CUX1: variants seen among roughly 807,000 people sequenced by gnomAD.
The protein encoded by CUX1 is cut like homeobox 1, also known as protein CASP.
A neutral mutation model predicts 158.8 loss-of-function variants in CUX1; 31 were observed. The ratio of observed to expected loss-of-function variants is 0.20; its 90% CI spans 0.15 to 0.26. The LOEUF (loss-of-function observed/expected upper bound fraction) is 0.26, where lower values mean the gene tolerates loss of function less well. CUX1 is among the 10% of genes least tolerant of loss of function. CUX1 has a pLI of 1.00. For missense variants in CUX1, 1,589 were observed against 2,014.6 expected, an observed-to-expected ratio of 0.79 and a Z score of 4.04; for synonymous variants, 879 against 862.1, an observed-to-expected ratio of 1.02 and a Z score of -0.34.
At chr7:102,228,494 A>G (rs1798581499) in intron 21 of CUX1, among the ~76,000 whole-genome samples, 1 of 152,130 alleles carries the variant, frequency 6.6e-6, no homozygotes, top group Non-Finnish European at 1.5e-5. Context: ...CCCCTTCTCT[A>G]TAACAGATTT....
chr7:102,026,846 A>G (rs1820095547), intron 2 of CUX1, among the ~76,000 whole-genome samples: 1 of 140,268 alleles, frequency 7.1e-6, no homozygotes, highest in Non-Finnish European at 1.5e-5. Flanking sequence ...AAAAAAAAAC[A>G]TAGTTTCAAT....
chr7:102,253,320 C>T lies in CUX1; in HGVS notation c.*4278C>T, dbSNP rs1801723146. On this transcript the variant is annotated 3_prime_UTR_variant, in exon 24 of 24. Transcript: ENST00000292535. ...CAGGGCCAGCATCAGGCGTGCAGCT[C>T]ATGACCAGTTTACACAGGCTGCAAA... 11 of 985,546 alleles carry T rather than the reference C, an allele frequency of 1.1e-5. No individual in the cohort carries two copies. Among genetic ancestry groups the T allele is most frequent in the Non-Finnish European group, 1.3e-5 (11 of 830,010 alleles). The allele number at this position is 985,546 out of a possible 1,614,324, so 61.1% of individuals were successfully genotyped here.
intron 2 of CUX1, among the ~76,000 whole-genome samples, chr7:102,021,606 T>A (rs892928767): frequency 1.0e-5 from 1 of 99,004 alleles, no homozygotes; most frequent in Non-Finnish European, 2.0e-5. Flanking sequence ...CCAGATACTT[T>A]TTTTTCTCTT....
chr7:102,131,340 A>G (rs1833209187), intron 8 of CUX1, among the ~76,000 whole-genome samples: 3 of 152,118 alleles, frequency 2.0e-5, no homozygotes, highest in African/African-American at 7.2e-5. Flanking sequence ...CGTCAAAACT[A>G]AGAAAAAGTT....
chr7:101,906,430 C>T (rs980756316), intron 1 of CUX1, among the ~76,000 whole-genome samples: 5 of 151,564 alleles, frequency 3.3e-5, no homozygotes, highest in South Asian at 2.1e-4. Flanking sequence ...CAGCCTGTGG[C>T]GAGGTCCGAG....
intron 1 of CUX1, among the ~76,000 whole-genome samples, chr7:101,851,578 T>G (rs1205982217): frequency 2.0e-5 from 3 of 152,256 alleles, no homozygotes; most frequent in African/African-American, 4.8e-5. Flanking sequence ...AAACACTTCC[T>G]GCAGAATGGG....
intron 2 of CUX1, among the ~76,000 whole-genome samples, chr7:101,964,218 T>C (rs1810860496): frequency 6.6e-6 from 1 of 151,964 alleles, no homozygotes; most frequent in Non-Finnish European, 1.5e-5. Flanking sequence ...CCTGGCGCAG[T>C]GGTGAGCACC....
intron 20 of CUX1, among the ~76,000 whole-genome samples, chr7:102,214,656 C>G (rs1796869142): frequency 6.6e-6 from 1 of 152,222 alleles, no homozygotes; most frequent in African/African-American, 2.4e-5. Context: ...GCTGTCACGG[C>G]CCCCCGGAGC....
chr7:102,240,636 G>C (rs554667315), intron 23 of CUX1, among the ~76,000 whole-genome samples: 2 of 152,056 alleles, frequency 1.3e-5, no homozygotes, highest in Non-Finnish European at 2.9e-5. Flanking sequence ...AGTTTGATTA[G>C]TTCTGTAATT....
rs782339731 is a variant in CUX1, at chr7:102,254,798, G to A, written c.*5756G>A. Reference sequence around the variant, plus strand: ...CAGTGTGATGTGGTTGGATCTCAGCGTGTACTGAATGCCAGTCTGGCCGGC... The same window carrying A: ...CAGTGTGATGTGGTTGGATCTCAGCATGTACTGAATGCCAGTCTGGCCGGC... On this transcript the variant is annotated 3_prime_UTR_variant, in exon 24 of 24. Coordinates refer to ENST00000292535, the MANE Select transcript of CUX1 (RefSeq NM_181552.4). 1.3e-5 allele frequency: 13 copies of A among 985,356 alleles called. No homozygotes were observed. The highest frequency in any genetic ancestry group is 6.1e-5 in the Admixed American group (1 of 16,272). 61.0% of individuals were successfully genotyped at this position (985,356 alleles called of 1,614,324 possible).
intron 10 of CUX1, among the ~76,000 whole-genome samples, chr7:102,176,191 G>A (rs1322803934): frequency 6.6e-6 from 1 of 152,222 alleles, no homozygotes; most frequent in Non-Finnish European, 1.5e-5. Flanking sequence ...AATGGTAAAG[G>A]CCTCATTTTC....
At chr7:101,937,203 C>G (rs1340536668) in intron 2 of CUX1, among the ~76,000 whole-genome samples, 1 of 152,104 alleles carries the variant, frequency 6.6e-6, no homozygotes, top group Non-Finnish European at 1.5e-5. Context: ...AGACCCTGTA[C>G]CGGGATGTCA....
intron 18 of CUX1, among the ~76,000 whole-genome samples, chr7:102,278,268 G>GA (rs1337616916): frequency 3.3e-5 from 5 of 152,174 alleles, no homozygotes; most frequent in Non-Finnish European, 5.9e-5. Flanking sequence ...TCACAGAGTG[G>GA]AGCCCCTGTC....
chr7:101,846,678 A>G (rs1198823292), intron 1 of CUX1, among the ~76,000 whole-genome samples: 2 of 152,118 alleles, frequency 1.3e-5, no homozygotes, highest in African/African-American at 4.8e-5. Context: ...CCACTCTTCA[A>G]GGTGCTAATA....
rs187121845 is a variant in CUX1 at position 102,194,074 on chromosome 7, T to C, written c.1125+184T>C. 35 of 681,544 alleles carry C rather than the reference T, an allele frequency of 5.1e-5. No individual in the cohort carries two copies. In the African/African-American group the frequency reaches 5.4e-4, roughly 10 times the overall value. The allele number at this position is 681,544 out of a possible 1,614,324, so 42.2% of individuals were successfully genotyped here. A position where few individuals can be genotyped will look rare whatever the true frequency, so the allele number is the denominator to read the frequency against. On this transcript the variant is annotated intron_variant, in intron 13 of 23. Coordinates refer to ENST00000292535, the MANE Select transcript of CUX1 (RefSeq NM_181552.4). ...ATCTTTTTTTTTTTGTCTCCTTTTT[T>C]TCCATGTGTCCAAGGCATGAACCAG...
chr7:102,078,356 G>A (rs1412613685), intron 4 of CUX1, among the ~76,000 whole-genome samples: 6 of 152,128 alleles, frequency 3.9e-5, no homozygotes, highest in African/African-American at 9.7e-5. Context: ...GATTACAGGC[G>A]TGAGCCACCA....
chr7:102,270,617 T>C (rs936141054), intron 14 of CUX1, among the ~76,000 whole-genome samples: 1 of 152,216 alleles, frequency 6.6e-6, no homozygotes, highest in African/African-American at 2.4e-5. Context: ...AACTGGCCTG[T>C]GCTCCTATCA....
chr7:102,152,182 A>C (rs1405062813), intron 8 of CUX1, among the ~76,000 whole-genome samples: 3 of 152,062 alleles, frequency 2.0e-5, no homozygotes, highest in African/African-American at 7.2e-5. Context: ...GTCTCTAAAA[A>C]ACAAATTTTT....
chr7:102,275,569 G>T (rs548123321), intron 17 of CUX1, among the ~76,000 whole-genome samples: 1 of 152,154 alleles, frequency 6.6e-6, no homozygotes, highest in East Asian at 1.9e-4. Context: ...GGAGACACGG[G>T]GGCCAGTGAG....
Sources: allele counts gnomAD v4.1 joint callset (sites outside exome capture counted in the v4.1 genomes callset), GRCh38; gene constraint gnomAD v4.1.1; transcripts MANE v1.5; gene names NCBI Gene and HGNC (gene_info 2026-07-23, HGNC 2026-07-21).